The following ARHGAP42 variants were observed in gnomAD, a reference collection of about 807,000 sequenced individuals.
ARHGAP42 encodes the protein rho GTPase-activating protein 42.
Under a neutral mutation model 125.0 loss-of-function variants are expected in ARHGAP42, and 63 were observed. That is an observed-to-expected ratio of 0.50 (90% CI 0.41 to 0.62). ARHGAP42 has a LOEUF of 0.62. Ranked by LOEUF, ARHGAP42 falls within the 20% of genes least tolerant of loss-of-function variation. The pLI is 0.00. For synonymous variants in ARHGAP42, 339 were observed against 351.0 expected, an observed-to-expected ratio of 0.97 and a Z score of 0.38; for missense variants, 766 against 1,024.2, an observed-to-expected ratio of 0.75 and a Z score of 3.44.
chr11:100,720,756 T>C (rs993467950), intron 1 of ARHGAP42, among the ~76,000 whole-genome samples: 5 of 152,230 alleles, frequency 3.3e-5, no homozygotes, highest in Non-Finnish European at 7.4e-5. Flanking sequence ...GTTTAAAATA[T>C]ACATATATAC....
In ARHGAP42 at chr11:100,903,117, G is replaced by GCGCGCACA. The variant is rs373508179; in HGVS notation, c.385-10334_385-10333insGCGCACAC. On this transcript the variant is annotated intron_variant, in intron 4 of 23. Coordinates refer to ENST00000298815, the MANE Select transcript of ARHGAP42 (RefSeq NM_152432.4). ...TCCTCAATCTTGCTGTCCAAGATGC[G>GCGCGCACA]CACACACACACACACACACACACAC... Among the ~76,000 whole-genome samples the GCGCGCACA allele has an allele frequency of 5.5e-3, 722 of 132,024 alleles. 8 individuals carry two copies. The highest frequency in any genetic ancestry group is 0.031 in the South Asian group (116 of 3,720). The allele number at this position is 132,024 out of a possible 152,430, so 86.6% of individuals were successfully genotyped here.
At chr11:100,710,917 C>G (rs1235625209) in intron 1 of ARHGAP42, among the ~76,000 whole-genome samples, 1 of 152,156 alleles carries the variant, frequency 6.6e-6, no homozygotes, top group African/African-American at 2.4e-5. Context: ...TCTGTTCAAC[C>G]CTGTGGTGCC....
At chr11:100,798,692 ATATTT>A (rs10592062) in intron 3 of ARHGAP42, among the ~76,000 whole-genome samples, 2,132 of 152,234 alleles carry the variant, frequency 0.014, 49 homozygotes, top group African/African-American at 0.049. Context: ...TGTACTTTAT[ATATTT>A]TATTTATATT....
chr11:100,704,673 A>C (rs1202117245), intron 1 of ARHGAP42, among the ~76,000 whole-genome samples: 1 of 151,540 alleles, frequency 6.6e-6, no homozygotes, highest in Non-Finnish European at 1.5e-5. Flanking sequence ...CTCTCAGGTC[A>C]GGTATGGTGG....
At position 100,993,027 on chromosome 11, in the gene ARHGAP42, A is replaced by G. The variant is rs117126817; in HGVS notation, c.*4226A>G. 12 of 242,866 alleles carry G rather than the reference A, an allele frequency of 4.9e-5. No individual in the cohort carries two copies. The highest frequency in any genetic ancestry group is 1.8e-4 in the African/African-American group (8 of 43,790). The allele number at this position is 242,866 out of a possible 1,614,324, so 15.0% of individuals were successfully genotyped here. A position where few individuals can be genotyped will look rare whatever the true frequency, so the allele number is the denominator to read the frequency against. ...CCAGAGACCATTTTCATTTACTGCC[A>G]TCATAAATATTCTCCACCATTCAAG... On this transcript the variant is annotated 3_prime_UTR_variant, in exon 24 of 24. Coordinates refer to ENST00000298815, the MANE Select transcript of ARHGAP42 (RefSeq NM_152432.4).
At chr11:100,929,279 TC>T (rs1261648533) in intron 6 of ARHGAP42, among the ~76,000 whole-genome samples, 2 of 152,152 alleles carry the variant, frequency 1.3e-5, no homozygotes, top group Admixed American at 6.6e-5. Flanking sequence ...CCAGCACTGA[TC>T]TGATAGGAGG....
intron 1 of ARHGAP42, among the ~76,000 whole-genome samples, chr11:100,700,655 G>T (rs774254066): frequency 6.6e-6 from 1 of 152,146 alleles, no homozygotes; most frequent in Non-Finnish European, 1.5e-5. Context: ...CTCTTCATTC[G>T]TTCAAGATTG....
At chr11:100,880,457 C>G (rs1335603576) in intron 4 of ARHGAP42, among the ~76,000 whole-genome samples, 1 of 151,988 alleles carries the variant, frequency 6.6e-6, no homozygotes, top group African/African-American at 2.4e-5. Context: ...GAGTAGTATT[C>G]CATTGTATAT....
chr11:100,705,017 A>ACAACAAC (rs61338891), intron 1 of ARHGAP42, among the ~76,000 whole-genome samples: 9 of 127,372 alleles, frequency 7.1e-5, no homozygotes, highest in South Asian at 2.5e-4. Context: ...CAACAACAAA[A>ACAACAAC]AAAAAAAAAA....
chr11:100,722,625 G>A (rs1437354707), intron 1 of ARHGAP42, among the ~76,000 whole-genome samples: 1 of 152,182 alleles, frequency 6.6e-6, no homozygotes, highest in Non-Finnish European at 1.5e-5. Flanking sequence ...CTGAACTCAG[G>A]TGATGCGCCC....
In ARHGAP42 at chr11:100,837,666, C is replaced by CTATTTTTTTTTTTTTTTTTTT. The variant is rs1555008871; in HGVS notation, c.313-21887_313-21886insATTTTTTTTTTTTTTTTTTTT. 2.8e-4 allele frequency among the ~76,000 whole-genome samples: 17 copies of CTATTTTTTTTTTTTTTTTTTT among 61,046 alleles called. 1 individual carries two copies. The highest frequency in any genetic ancestry group is 1.1e-3 in the African/African-American group (15 of 14,178). 40.0% of individuals were successfully genotyped at this position (61,046 alleles called of 152,430 possible). On this transcript the variant is annotated intron_variant, in intron 3 of 23. Transcript: ENST00000298815. ...CAGTTCCCAGAATCTAGGTGTCATC[C>CTATTTTTTTTTTTTTTTTTTT]TTTTTTTTTTTTTTTTTTTTTTTTT...
At chr11:100,795,723 T>C (rs1443163868) in intron 3 of ARHGAP42, among the ~76,000 whole-genome samples, 1 of 152,224 alleles carries the variant, frequency 6.6e-6, no homozygotes, top group African/African-American at 2.4e-5. Flanking sequence ...TATGATTTTA[T>C]GCCCAATGTT....
intron 1 of ARHGAP42, among the ~76,000 whole-genome samples, chr11:100,725,869 A>G (rs1861849955): frequency 6.8e-6 from 1 of 146,704 alleles, no homozygotes; most frequent in South Asian, 2.2e-4. Flanking sequence ...CGGGAGGCGG[A>G]GCTTGCAATG....
intron 4 of ARHGAP42, among the ~76,000 whole-genome samples, chr11:100,872,354 G>T (rs1865716847): frequency 6.6e-6 from 1 of 151,968 alleles, no homozygotes. Context: ...TTTTTACTAT[G>T]TTTTAGTTTT....
At chr11:100,712,586 G>C (rs1413901800) in intron 1 of ARHGAP42, among the ~76,000 whole-genome samples, 1 of 152,138 alleles carries the variant, frequency 6.6e-6, no homozygotes, top group Non-Finnish European at 1.5e-5. Flanking sequence ...GGTGGTGGGA[G>C]GGAGGGACCT....
At chr11:100,878,006 G>GAAAAAAAAAAAA (rs35482152) in intron 4 of ARHGAP42, among the ~76,000 whole-genome samples, 1 of 64,452 alleles carries the variant, frequency 1.6e-5, no homozygotes, top group African/African-American at 5.5e-5. Context: ...CTCTGTCCCA[G>GAAAAAAAAAAAA]AAAAAAAAAA....
chr11:100,815,727 C>T (rs1210169061), intron 3 of ARHGAP42, among the ~76,000 whole-genome samples: 1 of 152,120 alleles, frequency 6.6e-6, no homozygotes, highest in Non-Finnish European at 1.5e-5. Context: ...AGTATATTCA[C>T]GTTATTATGC....
chr11:100,980,069 C>T (rs12417295), intron 22 of ARHGAP42, among the ~76,000 whole-genome samples: 5,899 of 152,164 alleles, frequency 0.039, 164 homozygotes, highest in East Asian at 0.11. Context: ...TTGTTCAAAG[C>T]CCAGTAAGGG....
intron 17 of ARHGAP42, among the ~76,000 whole-genome samples, chr11:100,969,930 G>A (rs1412426838): frequency 1.3e-5 from 2 of 152,018 alleles, no homozygotes; most frequent in African/African-American, 2.4e-5. Context: ...TTGTAGCAAC[G>A]AATACTGATA....
Sources: allele counts gnomAD v4.1 joint callset (sites outside exome capture counted in the v4.1 genomes callset), GRCh38; gene constraint gnomAD v4.1.1; transcripts MANE v1.5; gene names NCBI Gene and HGNC (gene_info 2026-07-23, HGNC 2026-07-21).